SPMIP11: variants seen among roughly 807,000 people sequenced by gnomAD.
The protein encoded by SPMIP11 is sperm microtubule inner protein 11.
the SPMIP11 span, among the ~76,000 whole-genome samples, chr12:48,765,287 C>CTCA: frequency 6.6e-6 from 1 of 152,220 alleles, no homozygotes; most frequent in African/African-American, 2.4e-5. Context: ...CTCTCCACCC[C>CTCA]TCAAATCACC....
At chr12:48,765,940 C>T in the SPMIP11 span, among the ~76,000 whole-genome samples, 6 of 152,122 alleles carry the variant, frequency 3.9e-5, no homozygotes, top group Admixed American at 1.3e-4. Context: ...TGGAAAGAAC[C>T]GCCGGCTTCA....
the SPMIP11 span, chr12:48,769,134 C>A: frequency 7.2e-7 from 1 of 1,397,534 alleles, no homozygotes; most frequent in Non-Finnish European, 9.5e-7. Context: ...CACCTCCTGG[C>A]ACTGGTAGAA....
the SPMIP11 span, among the ~76,000 whole-genome samples, chr12:48,734,526 G>C: frequency 2.6e-5 from 4 of 152,076 alleles, no homozygotes; most frequent in Admixed American, 1.3e-4. Flanking sequence ...CATAATTTTA[G>C]GTTCAAGATA....
chr12:48,732,728 C>T, the SPMIP11 span, among the ~76,000 whole-genome samples: 2 of 151,616 alleles, frequency 1.3e-5, no homozygotes, highest in South Asian at 2.1e-4. Context: ...CTAGATTGTA[C>T]CATTGCACTC....
chr12:48,759,237 T>TC, the SPMIP11 span: 1 of 702,744 alleles, frequency 1.4e-6, no homozygotes, highest in South Asian at 1.5e-5. Flanking sequence ...CTACTAGGCT[T>TC]CCCCCCATTA....
the SPMIP11 span, among the ~76,000 whole-genome samples, chr12:48,757,123 G>T: frequency 3.9e-5 from 6 of 152,098 alleles, 1 homozygote; most frequent in Admixed American, 3.9e-4. Context: ...AGGAGATAGG[G>T]AAAGGGGCCT....
the SPMIP11 span, among the ~76,000 whole-genome samples, chr12:48,748,418 C>T: frequency 4.6e-5 from 7 of 151,782 alleles, no homozygotes; most frequent in Non-Finnish European, 1.0e-4. Context: ...GCCCTCATTT[C>T]TTTCTCCACC....
the SPMIP11 span, among the ~76,000 whole-genome samples, chr12:48,730,821 C>A: frequency 7.9e-5 from 12 of 152,112 alleles, no homozygotes; most frequent in Non-Finnish European, 1.2e-4. Context: ...GCCTGTAATC[C>A]CAGTTACTCG....
chr12:48,738,530 CT>C, the SPMIP11 span, among the ~76,000 whole-genome samples: 4 of 137,704 alleles, frequency 2.9e-5, no homozygotes, highest in African/African-American at 1.0e-4. Flanking sequence ...AACTTTCTTT[CT>C]TTTTTTTCTT....
the SPMIP11 span, chr12:48,765,019 G>A: frequency 4.3e-6 from 3 of 698,528 alleles, no homozygotes; most frequent in Admixed American, 6.1e-5. Context: ...GGGTAAGGGT[G>A]GGGAGGTCAA....
the SPMIP11 span, among the ~76,000 whole-genome samples, chr12:48,754,279 C>A: frequency 1.3e-5 from 2 of 152,062 alleles, no homozygotes; most frequent in Non-Finnish European, 2.9e-5. Flanking sequence ...GTGGCACATG[C>A]CTGTAGTCTC....
the SPMIP11 span, among the ~76,000 whole-genome samples, chr12:48,731,483 T>A: frequency 5.4e-5 from 8 of 149,176 alleles, no homozygotes; most frequent in African/African-American, 1.0e-4. Context: ...AGAGCGAGAC[T>A]CCATCTCAAA....
At chr12:48,729,832 G>A in the SPMIP11 span, among the ~76,000 whole-genome samples, 2 of 151,442 alleles carry the variant, frequency 1.3e-5, no homozygotes, top group Non-Finnish European at 1.5e-5. Flanking sequence ...GGCAAGATTT[G>A]TACAAAGGGT....
chr12:48,762,019 C>T, the SPMIP11 span, among the ~76,000 whole-genome samples: 1 of 141,266 alleles, frequency 7.1e-6, no homozygotes, highest in Non-Finnish European at 1.5e-5. Flanking sequence ...TCTTATATGA[C>T]ATTCTTATAT....
the SPMIP11 span, among the ~76,000 whole-genome samples, chr12:48,749,070 T>G: frequency 1.3e-5 from 2 of 151,898 alleles, no homozygotes; most frequent in African/African-American, 4.8e-5. Context: ...AAGACCAACC[T>G]GACCAACATG....
chr12:48,769,753 A>ATT, the SPMIP11 span, among the ~76,000 whole-genome samples: 1 of 122,300 alleles, frequency 8.2e-6, no homozygotes, highest in Non-Finnish European at 1.7e-5. Flanking sequence ...CACCCAACTA[A>ATT]TTTTTGTTTT....
At chr12:48,732,593 A>G in the SPMIP11 span, among the ~76,000 whole-genome samples, 2 of 151,594 alleles carry the variant, frequency 1.3e-5, no homozygotes, top group African/African-American at 4.8e-5. Flanking sequence ...AACATGGTGA[A>G]ACCCCGTCTC....
chr12:48,759,795 T>C, the SPMIP11 span, among the ~76,000 whole-genome samples: 6 of 151,782 alleles, frequency 4.0e-5, no homozygotes, highest in African/African-American at 1.5e-4. Flanking sequence ...GTAAGCACGA[T>C]ATGATAAAAT....
the SPMIP11 span, among the ~76,000 whole-genome samples, chr12:48,759,042 C>T: frequency 6.6e-6 from 1 of 152,186 alleles, no homozygotes; most frequent in Non-Finnish European, 1.5e-5. Context: ...TTCTCTCTCC[C>T]TCCCCTCTGT....
Sources: allele counts gnomAD v4.1 joint callset (sites outside exome capture counted in the v4.1 genomes callset), GRCh38; gene constraint gnomAD v4.1.1; transcripts MANE v1.5; gene names NCBI Gene and HGNC (gene_info 2026-07-23, HGNC 2026-07-21).